Variants in TOLLIP observed in about 807,000 individuals in gnomAD.
TOLLIP encodes toll interacting protein, also known as toll-interacting protein.
A neutral mutation model predicts 33.5 loss-of-function variants in TOLLIP; 16 were observed. That is an observed-to-expected ratio of 0.48 (90% confidence interval 0.32 to 0.72). The LOEUF is 0.72. Among genes scored for constraint, TOLLIP ranks in the 30% least tolerant of loss-of-function variants. The pLI is 0.03. For synonymous variants in TOLLIP, 176 were observed against 163.7 expected (o/e 1.07, Z -0.57); for missense variants, 325 against 396.6 (o/e 0.82, Z 1.53).
intron 3 of TOLLIP, among the ~76,000 whole-genome samples, chr11:1,289,256 C>T (rs1211720946): frequency 7.2e-5 from 11 of 152,206 alleles, no homozygotes; most frequent in African/African-American, 2.7e-4. Flanking sequence ...GAGGGGAAAG[C>T]AGGTAGGGAC....
intron 1 of TOLLIP, among the ~76,000 whole-genome samples, chr11:1,308,650 AG>A (rs1381443273): frequency 1.3e-5 from 2 of 152,254 alleles, no homozygotes; most frequent in Non-Finnish European, 2.9e-5. Flanking sequence ...AATTCAGAGC[AG>A]GAAAGGTTCT....
At chr11:1,299,187 G>A (rs1864196017) in intron 1 of TOLLIP, among the ~76,000 whole-genome samples, 2 of 152,146 alleles carry the variant, frequency 1.3e-5, no homozygotes, top group South Asian at 2.1e-4. Context: ...CAAAATTCAA[G>A]GTTTTTCAGA....
At chr11:1,297,608 G>A (rs377664757) in intron 1 of TOLLIP, among the ~76,000 whole-genome samples, 1 of 152,266 alleles carries the variant, frequency 6.6e-6, no homozygotes, top group Admixed American at 6.5e-5. Flanking sequence ...ACTGGGACAC[G>A]TCACGAGTGA....
intron 4 of TOLLIP, among the ~76,000 whole-genome samples, chr11:1,287,869 CAGCCTCCCTGCT>C (rs1383726460): frequency 8.3e-6 from 1 of 120,552 alleles, no homozygotes; most frequent in African/African-American, 3.3e-5. Flanking sequence ...CTCTCTGCTG[CAGCCTCCCTGCT>C]GCACCCTCCC....
chr11:1,308,831 A>AAGCCCGCCTCCACCTGTGG (rs1864491535), intron 1 of TOLLIP, among the ~76,000 whole-genome samples: 4 of 9,566 alleles, frequency 4.2e-4, no homozygotes, highest in Non-Finnish European at 1.6e-3. Flanking sequence ...ACTAGAGTGC[A>AAGCCCGCCTCCACCTGTGG]GGCCCGCCTC....
intron 1 of TOLLIP, among the ~76,000 whole-genome samples, chr11:1,305,222 A>T (rs1252400538): frequency 6.6e-6 from 1 of 152,230 alleles, no homozygotes; most frequent in Non-Finnish European, 1.5e-5. Context: ...TAAAAAATCC[A>T]GCGCAAAGGT....
At position 1,309,519 on chromosome 11, in the gene TOLLIP, G is replaced by A; in HGVS notation, c.-21C>T. 1 of 1,293,182 alleles carries A rather than the reference G, an allele frequency of 7.7e-7. No individual in the cohort carries two copies. Among genetic ancestry groups the A allele is most frequent in the Non-Finnish European group, 9.9e-7 (1 of 1,013,014 alleles). 80.1% of individuals were successfully genotyped at this position (1,293,182 alleles called of 1,614,324 possible). ...GCCATGGTGCTGCGGCGGCCCCCGT[G>A]GCTCGCCGACCCGACAGTGACGCGC... On this transcript the variant is annotated 5_prime_UTR_variant, in exon 1 of 6. Coordinates refer to ENST00000317204, the MANE Select transcript of TOLLIP (RefSeq NM_019009.4).
chr11:1,299,387 T>C (rs574450817), intron 1 of TOLLIP, among the ~76,000 whole-genome samples: 122 of 152,322 alleles, frequency 8.0e-4, no homozygotes, highest in Non-Finnish European at 1.6e-3. Context: ...GAGGGAGTGC[T>C]ACCAGTTCAT....
In TOLLIP at chr11:1,309,539, A is replaced by C; in HGVS notation, c.-41T>G. ...CCCGTGGCTCGCCGACCCGACAGTG[A>C]CGCGCCGGGCGACCTCCTGCGCCCC... On this transcript the variant is annotated 5_prime_UTR_variant, in exon 1 of 6. Coordinates refer to ENST00000317204, the MANE Select transcript of TOLLIP (RefSeq NM_019009.4). 2 of 1,258,006 alleles carry C rather than the reference A, an allele frequency of 1.6e-6. No individual in the cohort carries two copies. The highest frequency in any genetic ancestry group is 2.0e-6 in the Non-Finnish European group (2 of 989,066). 77.9% of individuals were successfully genotyped at this position (1,258,006 alleles called of 1,614,324 possible). A position where few individuals can be genotyped will look rare whatever the true frequency, so the allele number is the denominator to read the frequency against.
intron 5 of TOLLIP, among the ~76,000 whole-genome samples, chr11:1,283,894 G>A (rs954410433): frequency 3.9e-5 from 6 of 152,210 alleles, no homozygotes; most frequent in African/African-American, 1.2e-4. Context: ...ACGGGGCTTC[G>A]ACTTCCAGCC....
rs549334236 is a variant in TOLLIP, at chr11:1,285,005, C to T, written c.610+997G>A. ...GGCAGGACTGGGGTGCTGACCAGGC[C>T]TCTCCACTCCAGCTGGGCTGGACAC... On this transcript the variant is annotated intron_variant, in intron 5 of 5. Coordinates refer to ENST00000317204, the MANE Select transcript of TOLLIP (RefSeq NM_019009.4). 5.9e-5 allele frequency among the ~76,000 whole-genome samples: 9 copies of T among 152,260 alleles called. No homozygotes were observed. In the East Asian group the frequency reaches 1.7e-3, roughly 29 times the overall value.
At position 1,290,428 on chromosome 11, in the gene TOLLIP, C is replaced by T; in HGVS notation, c.184-19G>A. Reference sequence around the variant, plus strand: ...ACTTTGCCTGGAATGAAGCCAATGTCAGGAAAAGGAGGTGCCAACCATCAG... The same window carrying T: ...ACTTTGCCTGGAATGAAGCCAATGTTAGGAAAAGGAGGTGCCAACCATCAG... On this transcript the variant is annotated intron_variant, in intron 2 of 5. Coordinates refer to ENST00000317204, the MANE Select transcript of TOLLIP (RefSeq NM_019009.4). The surrounding 1 kb of genome is among the most constrained non-coding windows in gnomAD (Gnocchi z 4.9). 1.9e-6 allele frequency: 3 copies of T among 1,607,654 alleles called. No individual in the cohort carries two copies. The East Asian group carries it at 6.7e-5, about 36-fold the overall frequency.
Position 1,290,149 on chromosome 11 carries a change from T to G in TOLLIP, c.366+78A>C, listed in dbSNP as rs2133904523. Reference sequence around the variant, plus strand: ...CCTCGAAGCCAGCCAGGAACGTGGCTGTGTTGGCAGGTGTGTCCCCACGGC... The same window carrying G: ...CCTCGAAGCCAGCCAGGAACGTGGCGGTGTTGGCAGGTGTGTCCCCACGGC... On this transcript the variant is annotated intron_variant, in intron 3 of 5. Coordinates refer to ENST00000317204, the MANE Select transcript of TOLLIP (RefSeq NM_019009.4). This position sits in a 1 kb window ranked among gnomAD's most constrained non-coding sequence, Gnocchi z 4.9. 1 of 1,489,064 alleles carries G rather than the reference T, an allele frequency of 6.7e-7. No homozygotes were observed. Among genetic ancestry groups the G allele is most frequent in the East Asian group, 2.4e-5 (1 of 42,226 alleles). 92.2% of individuals were successfully genotyped at this position (1,489,064 alleles called of 1,614,324 possible). A position where few individuals can be genotyped will look rare whatever the true frequency, so the allele number is the denominator to read the frequency against.
chr11:1,306,043 T>A (rs927595563), intron 1 of TOLLIP: 3 of 151,862 alleles, frequency 2.0e-5, no homozygotes, highest in Non-Finnish European at 2.9e-5. Context: ...CTCGCAGGGG[T>A]CCACATGGTA....
rs1863245505 is a variant in TOLLIP, at chr11:1,275,083, TGGC to T, written c.*1953_*1955del. Reference sequence around the variant, plus strand: ...GCTTGTGAAAAAGAAAACTAAGAGATGGCGGCAAGCGTGGTCATCGGCAAAGGG... The same window carrying T: ...GCTTGTGAAAAAGAAAACTAAGAGATGGCAAGCGTGGTCATCGGCAAAGGG... On this transcript the variant is annotated 3_prime_UTR_variant, in exon 6 of 6. Transcript: ENST00000317204. The T allele has an allele frequency of 6.6e-6, 1 of 152,158 alleles. No individual in the cohort carries two copies. The highest frequency in any genetic ancestry group is 2.4e-5 in the African/African-American group (1 of 41,432). The allele number at this position is 152,158 out of a possible 1,614,324, so 9.4% of individuals were successfully genotyped here.
intron 2 of TOLLIP, among the ~76,000 whole-genome samples, chr11:1,293,339 G>A (rs1864013929): frequency 6.6e-6 from 1 of 152,222 alleles, no homozygotes. Context: ...CTGAGTGGTC[G>A]GCTCAGGCTG....
chr11:1,280,351 T>C (rs1413496884), intron 5 of TOLLIP, among the ~76,000 whole-genome samples: 4 of 152,146 alleles, frequency 2.6e-5, no homozygotes, highest in South Asian at 2.1e-4. Context: ...GCCTCCCCCT[T>C]GTCCATCCCA....
At chr11:1,283,924 G>A (rs1863590407) in intron 5 of TOLLIP, among the ~76,000 whole-genome samples, 1 of 152,228 alleles carries the variant, frequency 6.6e-6, no homozygotes, top group Non-Finnish European at 1.5e-5. Context: ...TGGAGGGCCT[G>A]GGTCTCTGTT....
Position 1,290,361 on chromosome 11 carries a change from G to A in TOLLIP, c.232C>T (p.Arg78Ter), listed in dbSNP as rs765578822. Reference protein sequence around the residue: ...YGMTRMDPYCRLRLGYAVYET... With the variant: ...YGMTRMDPYC ...TACACCGCGTAGCCCAGGCGCAGTC[G>A]GCAGTAGGGGTCCATGCGGGTCATG... The change falls in exon 3 of 6, where the codon CGA becomes TGA. Residue 78 changes from arginine (R) to a stop codon, truncating the protein, a stop_gained. Coordinates refer to ENST00000317204, the MANE Select transcript of TOLLIP (RefSeq NM_019009.4). LOFTEE classifies it high-confidence loss of function. This position sits in a 1 kb window ranked among gnomAD's most constrained non-coding sequence, Gnocchi z 4.9. The A allele has an allele frequency of 4.3e-6, 7 of 1,613,364 alleles. No individual in the cohort carries two copies. The highest frequency in any genetic ancestry group is 1.3e-5 in the African/African-American group (1 of 74,912).
Sources: gnomAD v4.1 joint callset for allele counts (sites outside exome capture counted in the v4.1 genomes callset) on GRCh38, gnomAD v4.1.1 for gene constraint, Gnocchi (gnomAD v3.1) non-coding constraint, MANE v1.5 for transcripts, NCBI Gene and HGNC (gene_info 2026-07-23, HGNC 2026-07-21) for gene names.